The following FKBP9 variants were observed in gnomAD, a reference collection of about 807,000 sequenced individuals.
FKBP9 encodes FKBP prolyl isomerase 9.
Under a neutral mutation model 55.6 loss-of-function variants are expected in FKBP9, and 27 were observed. That is an observed-to-expected ratio of 0.49 (90% confidence interval 0.36 to 0.67). The LOEUF (loss-of-function observed/expected upper bound fraction) is 0.67, where lower values mean the gene tolerates loss of function less well. Ranked by LOEUF, FKBP9 falls within the 30% of genes least tolerant of loss-of-function variation. The pLI is 0.00. For synonymous variants in FKBP9, 267 were observed against 296.5 expected, an observed-to-expected ratio of 0.90 and a Z score of 1.02; for missense variants, 539 against 742.8, an observed-to-expected ratio of 0.73 and a Z score of 3.19.
chr7:32,986,926 G>C (rs1432098143), intron 5 of FKBP9, among the ~76,000 whole-genome samples: 1 of 152,200 alleles, frequency 6.6e-6, no homozygotes, highest in African/African-American at 2.4e-5. Flanking sequence ...TGTGGCATAT[G>C]AAGTTTTATT....
chr7:32,957,656 C>T lies in FKBP9; in HGVS notation c.83C>T (p.Ala28Val). 3 of 1,504,174 alleles carry T rather than the reference C, an allele frequency of 2.0e-6. No individual in the cohort carries two copies. Among genetic ancestry groups the T allele is most frequent in the Non-Finnish European group, 2.6e-6 (3 of 1,135,052 alleles). The allele number at this position is 1,504,174 out of a possible 1,614,324, so 93.2% of individuals were successfully genotyped here. The part of the protein sequence containing the change: ...LWVTGQAAPV[A>V]GLGSDAELQI... ...GTGACCGGGCAGGCAGCGCCCGTGG[C>T]GGGCCTGGGCTCCGACGCGGAGCTG... The change falls in exon 1 of 10, where the codon GCG becomes GTG. Residue 28 changes from alanine (A) to valine (V), a missense_variant. Ala to Val is a moderately conservative substitution (Grantham distance 64). Coordinates refer to ENST00000242209, the MANE Select transcript of FKBP9 (RefSeq NM_007270.5).
At position 33,006,130 on chromosome 7, in the gene FKBP9, C is replaced by T. The variant is rs3109442; in HGVS notation, c.*779C>T. On this transcript the variant is annotated 3_prime_UTR_variant, in exon 10 of 10. Coordinates refer to ENST00000242209, the MANE Select transcript of FKBP9 (RefSeq NM_007270.5). ...TTTTTTTTCTGGAGGCAGAGTCTCCCTTTGTCGCCAGGCTGGAGTGCAGTG... is the reference window on the plus strand; with the variant it reads ...TTTTTTTTCTGGAGGCAGAGTCTCCTTTTGTCGCCAGGCTGGAGTGCAGTG... 1.5e-5 allele frequency: 3 copies of T among 194,854 alleles called. No homozygotes were observed. Among genetic ancestry groups the T allele is most frequent in the African/African-American group, 2.4e-5 (1 of 40,840 alleles). The allele number at this position is 194,854 out of a possible 1,614,324, so 12.1% of individuals were successfully genotyped here.
rs1426419834 is a variant in FKBP9, at chr7:32,975,299, C to A, written c.485C>A (p.Thr162Asn). Reference protein sequence around the residue: ...TYFKPPSCPRTIQVSDFVRYH... With the variant: ...TYFKPPSCPRNIQVSDFVRYH... ...TTCAAGCCCCCGAGTTGCCCTCGGA[C>A]CATCCAGGTGTCTGATTTTGTGAGG... Residue 162 changes from threonine (T) to asparagine (N), a missense_variant, in exon 3 of 10, where the codon ACC becomes AAC. Around this residue, in one of 4 missense-constraint regions of FKBP9, gnomAD observed 236 missense variants for 271.5 expected, o/e 0.87. Transcript: ENST00000242209. 7 of 1,613,814 alleles carry A rather than the reference C, an allele frequency of 4.3e-6. No homozygotes were observed.
At chr7:33,002,653 T>G (rs1266349086) in intron 8 of FKBP9, 23 bp from the exon 9 acceptor site, 1 of 1,610,340 alleles carries the variant, frequency 6.2e-7, no homozygotes, top group Non-Finnish European at 8.5e-7. Context: ...TGACACCGCC[T>G]CCCGCTCCTG....
intron 1 of FKBP9, among the ~76,000 whole-genome samples, chr7:32,969,803 G>A (rs1345622477): frequency 6.6e-6 from 1 of 152,010 alleles, no homozygotes; most frequent in Non-Finnish European, 1.5e-5. Flanking sequence ...AGGAGTTCAA[G>A]ACCAGCCTGG....
At chr7:33,005,073 C>T in intron 9 of FKBP9, 102 bp from the exon 10 acceptor site, 1 of 1,505,388 alleles carries the variant, frequency 6.6e-7, no homozygotes. Context: ...AGCCCAGACT[C>T]AAGTTCCAGC....
intron 7 of FKBP9, among the ~76,000 whole-genome samples, chr7:32,999,355 G>C (rs1171917073): frequency 6.6e-6 from 1 of 152,082 alleles, no homozygotes; most frequent in African/African-American, 2.4e-5. Flanking sequence ...GAAGTGATAG[G>C]AATGGCATAG....
At chr7:32,988,391 G>A (rs1370010447) in intron 5 of FKBP9, 116 bp from the exon 6 acceptor site, 22 of 988,060 alleles carry the variant, frequency 2.2e-5, no homozygotes, top group East Asian at 4.8e-5. Flanking sequence ...TGTGGTTTAC[G>A]CTGTTCCGGA....
At chr7:32,958,558 G>A (rs1159201275) in intron 1 of FKBP9, among the ~76,000 whole-genome samples, 1 of 152,232 alleles carries the variant, frequency 6.6e-6, no homozygotes, top group Non-Finnish European at 1.5e-5. Flanking sequence ...CACTTTGAGA[G>A]AACGAGGCGG....
intron 4 of FKBP9, chr7:32,979,396 A>G (rs1388193017): frequency 1.3e-6 from 1 of 747,944 alleles, no homozygotes; most frequent in Non-Finnish European, 2.4e-6. Flanking sequence ...CATGCGATTT[A>G]GGGATTGACC....
At chr7:32,967,521 C>T (rs2893446) in intron 1 of FKBP9, among the ~76,000 whole-genome samples, 2 of 152,234 alleles carry the variant, frequency 1.3e-5, no homozygotes, top group Non-Finnish European at 2.9e-5. Flanking sequence ...TTTACGTAAT[C>T]TCCTCAAGGT....
intron 6 of FKBP9, among the ~76,000 whole-genome samples, chr7:32,991,042 A>G (rs1337838475): frequency 6.6e-6 from 1 of 152,146 alleles, no homozygotes; most frequent in Non-Finnish European, 1.5e-5. Flanking sequence ...TTGATTCTCT[A>G]TTGCTTTTTA....
At position 32,957,584 on chromosome 7, in the gene FKBP9, G is replaced by C. The variant is rs1783924495; in HGVS notation, c.11G>C (p.Arg4Pro). 2.7e-6 allele frequency: 4 copies of C among 1,467,714 alleles called. No homozygotes were observed. In the South Asian group the frequency reaches 5.2e-5, roughly 19 times the overall value. 90.9% of individuals were successfully genotyped at this position (1,467,714 alleles called of 1,614,324 possible). The change falls in exon 1 of 10, where the codon CGG becomes CCG. Residue 4 changes from arginine (R) to proline (P), a missense_variant. Around this residue, in one of 4 missense-constraint regions of FKBP9, gnomAD observed 236 missense variants for 271.5 expected, o/e 0.87. Transcript: ENST00000242209. ...CTTCTCGCCGCCCCGATGGCGTTCC[G>C]GGGCTGGAGGCCCCCGCCGCCACCG... MAF[R>P]GWRPPPPPLL... is the part of the protein sequence containing the mutation.
chr7:32,979,401 T>C, intron 4 of FKBP9: 1 of 787,608 alleles, frequency 1.3e-6, no homozygotes, highest in Non-Finnish European at 2.2e-6. Context: ...GATTTAGGGA[T>C]TGACCACACC....
At chr7:32,988,785 A>C (rs1784626172) in intron 6 of FKBP9, 133 bp downstream of exon 6, 1 of 852,432 alleles carries the variant, frequency 1.2e-6, no homozygotes, top group Non-Finnish European at 1.8e-6. Context: ...TGGAAAGTGT[A>C]GTGTGTGATC....
rs115452449 is a variant in FKBP9, at chr7:32,980,570, A to G, written c.893+17A>G. On this transcript the variant is annotated intron_variant, in intron 5 of 9. Coordinates refer to ENST00000242209, the MANE Select transcript of FKBP9 (RefSeq NM_007270.5). ...TGATTCCAGGTAAGGAAATGATTAA[A>G]GTCTTCAATTGCCAGAACATTGTAT... 24,865 of 1,611,836 alleles carry G rather than the reference A, an allele frequency of 0.015. 1,472 individuals are homozygous for G. In the East Asian group the frequency reaches 0.2, roughly 13 times the overall value.
At chr7:32,975,517 C>A in intron 3 of FKBP9, 146 bp downstream of exon 3, 2 of 659,482 alleles carry the variant, frequency 3.0e-6, no homozygotes, top group Non-Finnish European at 5.1e-6. Flanking sequence ...CTACTTAAGA[C>A]TTTTGGTCAG....
At chr7:32,958,619 C>A (rs139884724) in intron 1 of FKBP9, among the ~76,000 whole-genome samples, 296 of 152,004 alleles carry the variant, frequency 1.9e-3, no homozygotes, top group Non-Finnish European at 3.5e-3. Context: ...TATGATCGTG[C>A]CATTGCACTG....
chr7:32,980,642 C>T lies in FKBP9; in HGVS notation c.893+89C>T, dbSNP rs539082519. On this transcript the variant is annotated intron_variant, in intron 5 of 9. Coordinates refer to ENST00000242209, the MANE Select transcript of FKBP9 (RefSeq NM_007270.5). ...TGGACCATGATTTAAATACTCTGTC[C>T]ATGCTGATTTGTAGTTGGCATTTTC... is the stretch of plus-strand genomic sequence containing the variant. 1.6e-4 allele frequency: 236 copies of T among 1,519,932 alleles called. 1 individual carries two copies. In the African/African-American group the frequency reaches 2.9e-3, roughly 19 times the overall value. 94.2% of individuals were successfully genotyped at this position (1,519,932 alleles called of 1,614,324 possible).
Sources: allele counts gnomAD v4.1 joint callset (sites outside exome capture counted in the v4.1 genomes callset), GRCh38; gene constraint gnomAD v4.1.1; regional missense constraint gnomAD v4.1.1; transcripts MANE v1.5; gene names NCBI Gene and HGNC (gene_info 2026-07-23, HGNC 2026-07-21).